CYRIA: variants seen among roughly 807,000 people sequenced by gnomAD.
CYRIA encodes CYFIP related Rac1 interactor A, also known as CYFIP-related Rac1 interactor A.
In CYRIA, 15 loss-of-function variants were observed where a neutral mutation model predicts 43.9. The observed-to-expected ratio is 0.34, with a 90% CI of 0.23 to 0.53. CYRIA has a LOEUF of 0.53. Among genes scored for constraint, CYRIA ranks in the 20% least tolerant of loss-of-function variants. CYRIA has a pLI of 0.94. For missense variants in CYRIA, 236 were observed against 394.2 expected (o/e 0.60, Z 3.40); for synonymous variants, 117 against 136.0 (o/e 0.86, Z 0.97).
chr2:16,581,426 C>G (rs1406707509), intron 3 of CYRIA, among the ~76,000 whole-genome samples: 4 of 152,072 alleles, frequency 2.6e-5, no homozygotes, highest in Admixed American at 6.5e-5. Context: ...GAACAGCTAA[C>G]AGGAAAATGA....
chr2:16,640,030 G>GT (rs1356806705), intron 1 of CYRIA, among the ~76,000 whole-genome samples: 1 of 152,068 alleles, frequency 6.6e-6, no homozygotes, highest in Non-Finnish European at 1.5e-5. Context: ...TTTATCTTCT[G>GT]TAACACCGGA....
chr2:16,647,971 A>T (rs1421823292), intron 1 of CYRIA, among the ~76,000 whole-genome samples: 2 of 152,160 alleles, frequency 1.3e-5, no homozygotes, highest in Admixed American at 6.5e-5. Flanking sequence ...CAGGATGCTC[A>T]TCTCATCCCC....
chr2:16,632,667 C>T (rs1482054113), intron 1 of CYRIA, among the ~76,000 whole-genome samples: 1 of 152,180 alleles, frequency 6.6e-6, no homozygotes, highest in Non-Finnish European at 1.5e-5. Flanking sequence ...AAACTTCCAT[C>T]ATTCTTGGGA....
chr2:16,593,595 C>T (rs1003683474), intron 2 of CYRIA, among the ~76,000 whole-genome samples: 4 of 151,836 alleles, frequency 2.6e-5, no homozygotes, highest in Non-Finnish European at 4.4e-5. Context: ...GCAAAATTCC[C>T]GAACATAAAC....
intron 1 of CYRIA, among the ~76,000 whole-genome samples, chr2:16,640,379 T>A (rs900435491): frequency 6.6e-6 from 1 of 152,198 alleles, no homozygotes; most frequent in African/African-American, 2.4e-5. Context: ...TCAGTGATGA[T>A]ACCATTGGGG....
At chr2:16,605,476 AG>A (rs1270690296) in intron 2 of CYRIA, among the ~76,000 whole-genome samples, 1 of 152,200 alleles carries the variant, frequency 6.6e-6, no homozygotes, top group Non-Finnish European at 1.5e-5. Context: ...AAACTGCTTG[AG>A]ACACCTGCTT....
intron 2 of CYRIA, 24 bp downstream of exon 2, chr2:16,623,840 T>A (rs982705881): frequency 2.6e-5 from 4 of 152,252 alleles, no homozygotes; most frequent in African/African-American, 4.8e-5. Flanking sequence ...CTACACGTTA[T>A]AACGAAAGTC....
At chr2:16,623,212 G>A (rs577507318) in intron 2 of CYRIA, 1 of 152,256 alleles carries the variant, frequency 6.6e-6, no homozygotes, top group African/African-American at 2.4e-5. Flanking sequence ...TCATCTAGGA[G>A]GAATGTCAGC....
chr2:16,607,472 T>C (rs1668448353), intron 2 of CYRIA, among the ~76,000 whole-genome samples: 1 of 152,232 alleles, frequency 6.6e-6, no homozygotes, highest in African/African-American at 2.4e-5. Flanking sequence ...TGCAAGGCTA[T>C]AAGCCTGGCT....
chr2:16,624,307 G>A (rs1397171540), intron 1 of CYRIA, among the ~76,000 whole-genome samples: 1 of 152,178 alleles, frequency 6.6e-6, no homozygotes, highest in African/African-American at 2.4e-5. Flanking sequence ...GCAGCCACAT[G>A]GTCAGGCTGA....
At chr2:16,633,525 G>A (rs1006110098) in intron 1 of CYRIA, among the ~76,000 whole-genome samples, 6 of 145,074 alleles carry the variant, frequency 4.1e-5, no homozygotes, top group African/African-American at 1.5e-4. Context: ...GATTACAAGT[G>A]CAGGTCACTA....
At chr2:16,644,772 G>T (rs894013209) in intron 1 of CYRIA, among the ~76,000 whole-genome samples, 33 of 152,042 alleles carry the variant, frequency 2.2e-4, no homozygotes, top group Admixed American at 2.2e-3. Context: ...CTACCTTTGC[G>T]GGAGTCTTTA....
chr2:16,591,423 G>GT (rs916026736), intron 2 of CYRIA, among the ~76,000 whole-genome samples: 8 of 152,106 alleles, frequency 5.3e-5, no homozygotes, highest in East Asian at 1.9e-4. Context: ...GAGAAGTACA[G>GT]TTTTTTTAAC....
In CYRIA at chr2:16,628,602, C is replaced by T. The variant is rs533121483; in HGVS notation, c.-166-4583G>A. 1.4e-4 allele frequency among the ~76,000 whole-genome samples: 21 copies of T among 152,304 alleles called. No homozygotes were observed. The South Asian group carries it at 2.3e-3, about 17-fold the overall frequency. The stretch of plus-strand genomic sequence containing the variant: ...GTGATTTAATGGTTTATCATCCAAA[C>T]GAGGATACCTCTGAGAGTGAAAGGG... On this transcript the variant is annotated intron_variant, in intron 1 of 11. Transcript: ENST00000381323.
At chr2:16,575,754 G>C (rs1258341809) in intron 3 of CYRIA, among the ~76,000 whole-genome samples, 1 of 152,024 alleles carries the variant, frequency 6.6e-6, no homozygotes, top group Admixed American at 6.5e-5. Context: ...TACTCGGGAG[G>C]CTGACGCAGG....
Position 16,631,562 on chromosome 2 carries a change from A to G in CYRIA, c.-166-7543T>C, listed in dbSNP as rs139997717. ...GAAAGAGCCTGGGGACTCAAGCCCA[A>G]CAATCATAAACCTCAGTCTCAGGTC... On this transcript the variant is annotated intron_variant, in intron 1 of 11. Transcript: ENST00000381323. 8.3e-4 allele frequency among the ~76,000 whole-genome samples: 126 copies of G among 152,366 alleles called. 2 individuals carry two copies. The East Asian group carries it at 0.016, about 19-fold the overall frequency.
chr2:16,656,838 T>A (rs1280049248), intron 1 of CYRIA, among the ~76,000 whole-genome samples: 1 of 152,208 alleles, frequency 6.6e-6, no homozygotes, highest in African/African-American at 2.4e-5. Context: ...TGAGACCTCG[T>A]GAGCGTCAGT....
At position 16,562,042 on chromosome 2, in the gene CYRIA, T is replaced by A; in HGVS notation, c.398A>T (p.Glu133Val). 1 of 1,613,552 alleles carries A rather than the reference T, an allele frequency of 6.2e-7. No individual in the cohort carries two copies. The highest frequency in any genetic ancestry group is 8.5e-7 in the Non-Finnish European group (1 of 1,179,646). Reference sequence around the variant, plus strand: ...GAATCGAAGGGTAAAATGTAAAATTTCGGCAAACTCCTTTGCCAGGGCCTG... The same window carrying A: ...GAATCGAAGGGTAAAATGTAAAATTACGGCAAACTCCTTTGCCAGGGCCTG... ...REQALAKEFA[E>V]ILHFTLRFDE... Residue 133 changes from glutamate to valine, a missense_variant, in exon 6 of 12, where the codon GAA becomes GTA. By Grantham distance (121) the Glu-to-Val change is moderately radical. This residue lies in a region of CYRIA where 193 missense variants were observed against 303.9 expected (regional missense o/e 0.64). Coordinates refer to ENST00000381323, the MANE Select transcript of CYRIA (RefSeq NM_030797.4).
chr2:16,556,462 C>A (rs1666527520), intron 10 of CYRIA, among the ~76,000 whole-genome samples: 1 of 152,096 alleles, frequency 6.6e-6, no homozygotes, highest in African/African-American at 2.4e-5. Flanking sequence ...GCCTAAGAAG[C>A]AGTGACAATG....
Sources: gnomAD v4.1 joint callset for allele counts (sites outside exome capture counted in the v4.1 genomes callset) on GRCh38, gnomAD v4.1.1 for gene constraint, gnomAD v4.1.1 regional missense constraint, MANE v1.5 for transcripts, NCBI Gene and HGNC (gene_info 2026-07-23, HGNC 2026-07-21) for gene names.